Variants in LRRIQ1 observed in about 807,000 individuals in gnomAD.
The protein encoded by LRRIQ1 is leucine rich repeats and IQ motif containing 1.
Under a neutral mutation model 211.9 loss-of-function variants are expected in LRRIQ1, and 210 were observed. The ratio of observed to expected loss-of-function variants is 0.99; its 90% confidence interval spans 0.89 to 1.11. The LOEUF (loss-of-function observed/expected upper bound fraction) is 1.11, where lower values mean the gene tolerates loss of function less well. Ranked by LOEUF, LRRIQ1 falls within the 50% of genes most tolerant of loss-of-function variation. The pLI is 0.00. For synonymous variants in LRRIQ1, 699 were observed against 650.1 expected, an observed-to-expected ratio of 1.08 and a Z score of -1.14; for missense variants, 2,136 against 1,939.5, an observed-to-expected ratio of 1.10 and a Z score of -1.90.
chr12:85,091,095 C>T (rs1036639068), intron 11 of LRRIQ1, among the ~76,000 whole-genome samples: 1 of 151,944 alleles, frequency 6.6e-6, no homozygotes, highest in African/African-American at 2.4e-5. Context: ...CTTTTTTTTA[C>T]CTTGTGACAT....
chr12:85,047,456 G>T lies in LRRIQ1; in HGVS notation c.664G>T (p.Glu222Ter), dbSNP rs1879759024. ...KQFKVEKKKL[E>*]NIQKQEQDKM... ...ATTTAAAGTTGAAAAGAAGAAATTA[G>T]AGAACATTCAGAAGGTATTTTGCTT... The change falls in exon 6 of 27, where the codon GAG becomes TAG. Residue 222 changes from glutamate (E) to a stop codon, truncating the protein, a stop_gained. Coordinates refer to ENST00000393217, the MANE Select transcript of LRRIQ1 (RefSeq NM_001079910.2). LOFTEE classifies it high-confidence loss of function. 6.2e-7 allele frequency: 1 copy of T among 1,611,566 alleles called. No individual in the cohort carries two copies. Among genetic ancestry groups the T allele is most frequent in the South Asian group, 1.1e-5 (1 of 90,378 alleles).
At chr12:85,072,512 G>T (rs1489132609) in intron 10 of LRRIQ1, among the ~76,000 whole-genome samples, 3 of 148,128 alleles carry the variant, frequency 2.0e-5, no homozygotes, top group Non-Finnish European at 4.5e-5. Context: ...CTGTGAATTT[G>T]CTTGTTATTG....
chr12:85,081,614 T>A (rs949253019), intron 11 of LRRIQ1, among the ~76,000 whole-genome samples: 1 of 152,134 alleles, frequency 6.6e-6, no homozygotes, highest in African/African-American at 2.4e-5. Context: ...TGCAGGATTT[T>A]AAATGTATTT....
chr12:85,114,813 A>C (rs894252908), intron 15 of LRRIQ1, among the ~76,000 whole-genome samples: 1 of 152,154 alleles, frequency 6.6e-6, no homozygotes, highest in Non-Finnish European at 1.5e-5. Flanking sequence ...TGAGAAATTC[A>C]TTTATCTAAA....
At chr12:85,142,850 C>T (rs1889638788) in intron 19 of LRRIQ1, among the ~76,000 whole-genome samples, 1 of 151,478 alleles carries the variant, frequency 6.6e-6, no homozygotes, top group Non-Finnish European at 1.5e-5. Context: ...TTTCTTTGTT[C>T]ATGTATCCAT....
chr12:85,098,459 T>G lies in LRRIQ1; in HGVS notation c.2992T>G (p.Cys998Gly). 1.2e-6 allele frequency: 2 copies of G among 1,611,876 alleles called. No homozygotes were observed. Among genetic ancestry groups the G allele is most frequent in the Non-Finnish European group, 1.7e-6 (2 of 1,178,828 alleles). The change falls in exon 12 of 27, where the codon TGC (cysteine) becomes GGC (glycine). Residue 998 changes from cysteine to glycine, a missense_variant. By Grantham distance (159) the Cys-to-Gly change is radical. Transcript: ENST00000393217. ...TACACCTACCATTGTATACCTAGAT[T>G]GCTCCCATAATCATCTTACTGATGT... ...CDTPTIVYLD[C>G]SHNHLTDVEG...
intron 11 of LRRIQ1, among the ~76,000 whole-genome samples, chr12:85,081,812 C>G (rs1487511408): frequency 6.8e-6 from 1 of 147,004 alleles, no homozygotes; most frequent in African/African-American, 2.5e-5. Context: ...CAACCTGTGC[C>G]TCCCAGTTTC....
intron 24 of LRRIQ1, among the ~76,000 whole-genome samples, chr12:85,212,291 AAAAC>A (rs1893871815): frequency 1.3e-5 from 2 of 152,128 alleles, no homozygotes; most frequent in Non-Finnish European, 2.9e-5. Context: ...CTGTCTCAAA[AAAAC>A]AAACAAAAAA....
At chr12:85,114,022 C>T (rs534531508) in intron 15 of LRRIQ1, among the ~76,000 whole-genome samples, 4 of 151,052 alleles carry the variant, frequency 2.6e-5, no homozygotes, top group Admixed American at 6.6e-5. Context: ...TAGAAGCAAT[C>T]GATATTTCCA....
At chr12:85,143,145 C>G (rs1306910049) in intron 19 of LRRIQ1, among the ~76,000 whole-genome samples, 1 of 151,504 alleles carries the variant, frequency 6.6e-6, no homozygotes, top group African/African-American at 2.4e-5. Context: ...TTTGATATAG[C>G]TATTTTAACA....
intron 24 of LRRIQ1, among the ~76,000 whole-genome samples, chr12:85,226,347 T>C (rs1894650859): frequency 6.6e-6 from 1 of 152,050 alleles, no homozygotes; most frequent in Non-Finnish European, 1.5e-5. Flanking sequence ...ATCATCAGGG[T>C]CACTGAGTCA....
chr12:85,217,011 A>T (rs1282241014), intron 24 of LRRIQ1, among the ~76,000 whole-genome samples: 1 of 152,086 alleles, frequency 6.6e-6, no homozygotes, highest in East Asian at 1.9e-4. Context: ...ATATGTTGGC[A>T]TGCAAATTGT....
intron 24 of LRRIQ1, among the ~76,000 whole-genome samples, chr12:85,205,550 T>C (rs928086080): frequency 6.6e-6 from 1 of 152,200 alleles, no homozygotes; most frequent in Non-Finnish European, 1.5e-5. Context: ...CATTTTAACC[T>C]TGGAGAATCT....
intron 16 of LRRIQ1, among the ~76,000 whole-genome samples, chr12:85,123,119 A>G (rs1483969076): frequency 6.6e-6 from 1 of 152,062 alleles, no homozygotes; most frequent in Non-Finnish European, 1.5e-5. Context: ...TTATTAGCCA[A>G]TGAAATGAAT....
At chr12:85,184,241 AT>A (rs1892125806) in intron 24 of LRRIQ1, among the ~76,000 whole-genome samples, 1 of 152,032 alleles carries the variant, frequency 6.6e-6, no homozygotes, top group Non-Finnish European at 1.5e-5. Context: ...TTTATCCATC[AT>A]ATTTAAAACT....
chr12:85,131,386 C>G lies in LRRIQ1; in HGVS notation c.4209+3353C>G, dbSNP rs116760012. On this transcript the variant is annotated intron_variant, in intron 18 of 26. Transcript: ENST00000393217. ...GCTGTCCCACTGGCTTGTTTACTCT[C>G]AGTGTTTGTTATGTGATCAAGAGAT... Among the ~76,000 whole-genome samples, 735 of 152,044 alleles carry G rather than the reference C, an allele frequency of 4.8e-3. 2 individuals are homozygous for G. Among genetic ancestry groups the G allele is most frequent in the African/African-American group, 0.017 (698 of 41,478 alleles).
At chr12:85,232,451 A>G (rs972740123) in intron 25 of LRRIQ1, among the ~76,000 whole-genome samples, 1 of 152,152 alleles carries the variant, frequency 6.6e-6, no homozygotes, top group African/African-American at 2.4e-5. Flanking sequence ...GCATGTGTTT[A>G]TGTTTGACAA....
At chr12:85,192,269 G>A (rs1041366689) in intron 24 of LRRIQ1, among the ~76,000 whole-genome samples, 2 of 149,414 alleles carry the variant, frequency 1.3e-5, no homozygotes, top group African/African-American at 4.9e-5. Context: ...TTCATTTTCT[G>A]TTCCTGTGTT....
At chr12:85,082,996 TGG>T (rs1884456706) in intron 11 of LRRIQ1, among the ~76,000 whole-genome samples, 2 of 152,190 alleles carry the variant, frequency 1.3e-5, no homozygotes, top group Non-Finnish European at 2.9e-5. Flanking sequence ...TACAAACCTA[TGG>T]GAGTGTCAGC....
Sources: allele counts gnomAD v4.1 joint callset (sites outside exome capture counted in the v4.1 genomes callset), GRCh38; gene constraint gnomAD v4.1.1; transcripts MANE v1.5; gene names NCBI Gene and HGNC (gene_info 2026-07-23, HGNC 2026-07-21).